The following KIAA0319L variants were observed in gnomAD, a reference collection of about 807,000 sequenced individuals.
KIAA0319L encodes dyslexia-associated protein KIAA0319-like protein.
Under a neutral mutation model 120.1 loss-of-function variants are expected in KIAA0319L, and 55 were observed. The observed-to-expected ratio is 0.46, with a 90% CI of 0.37 to 0.57. The LOEUF (loss-of-function observed/expected upper bound fraction) is 0.57, where lower values mean the gene tolerates loss of function less well. KIAA0319L is among the 20% of genes least tolerant of loss of function. KIAA0319L has a pLI of 0.00. For synonymous variants in KIAA0319L, 398 were observed against 471.9 expected (o/e 0.84, Z 2.03); for missense variants, 1,049 against 1,255.3 (o/e 0.84, Z 2.48).
intron 2 of KIAA0319L, among the ~76,000 whole-genome samples, chr1:35,552,214 C>G (rs1043683076): frequency 2.6e-5 from 4 of 152,110 alleles, no homozygotes; most frequent in African/African-American, 9.7e-5. Context: ...TGGTGGCATG[C>G]GCCTGTAGTC....
chr1:35,506,970 C>G lies in KIAA0319L; in HGVS notation c.308G>C (p.Gly103Ala). The change falls in exon 3 of 21, where the codon GGG becomes GCG. Residue 103 changes from glycine to alanine, a missense_variant. Coordinates refer to ENST00000325722, the MANE Select transcript of KIAA0319L (RefSeq NM_024874.5). The surrounding 1 kb of genome is among the most constrained non-coding windows in gnomAD (Gnocchi z 4.0). The stretch of plus-strand genomic sequence containing the variant: ...GCTGCAGTCTGCCTGAATGCACATC[C>G]CTTCTAGCCACCAAAAGACATGGCA... ...SACHVFWWLE[G>A]MCIQADCSRP... 6.2e-7 allele frequency: 1 copy of G among 1,613,562 alleles called. No individual in the cohort carries two copies. The highest frequency in any genetic ancestry group is 8.5e-7 in the Non-Finnish European group (1 of 1,179,748).
intron 3 of KIAA0319L, among the ~76,000 whole-genome samples, chr1:35,480,768 G>C (rs1644131764): frequency 6.6e-6 from 1 of 151,814 alleles, no homozygotes; most frequent in African/African-American, 2.4e-5. Context: ...CTGGGCGACA[G>C]AGTGAAACTC....
intron 2 of KIAA0319L, among the ~76,000 whole-genome samples, chr1:35,542,899 A>G (rs1185475991): frequency 2.0e-5 from 3 of 152,192 alleles, no homozygotes. Flanking sequence ...TAAATTTAAG[A>G]TAGTTTTTAA....
At chr1:35,516,736 A>G (rs1481779567) in intron 2 of KIAA0319L, among the ~76,000 whole-genome samples, 1 of 152,216 alleles carries the variant, frequency 6.6e-6, no homozygotes, top group Non-Finnish European at 1.5e-5. Context: ...AATAAAGGGC[A>G]TTCAAATAGG....
intron 4 of KIAA0319L, 58 bp from the exon 5 acceptor site, chr1:35,474,964 CTCTT>C (rs1324229935): frequency 1.0e-6 from 1 of 999,706 alleles, no homozygotes; most frequent in Admixed American, 2.1e-5. Flanking sequence ...TCTTATTTCT[CTCTT>C]TCTTTTGTGA....
At chr1:35,471,578 G>C (rs1418337409) in intron 5 of KIAA0319L, among the ~76,000 whole-genome samples, 1 of 152,120 alleles carries the variant, frequency 6.6e-6, no homozygotes, top group Non-Finnish European at 1.5e-5. Context: ...TTGCAGGTCA[G>C]ACTATATCAC....
chr1:35,447,660 C>T (rs1480979731), intron 16 of KIAA0319L, among the ~76,000 whole-genome samples: 7 of 151,532 alleles, frequency 4.6e-5, no homozygotes, highest in Non-Finnish European at 1.0e-4. Context: ...CAGCCTCAAA[C>T]CCCTGGGCTC....
intron 3 of KIAA0319L, among the ~76,000 whole-genome samples, chr1:35,504,360 C>A (rs1176995422): frequency 6.6e-6 from 1 of 152,092 alleles, no homozygotes; most frequent in African/African-American, 2.4e-5. Flanking sequence ...CCACGCCCGG[C>A]TAACTTTTTG....
At chr1:35,539,390 C>T (rs1258847422) in intron 2 of KIAA0319L, among the ~76,000 whole-genome samples, 1 of 152,218 alleles carries the variant, frequency 6.6e-6, no homozygotes, top group African/African-American at 2.4e-5. Flanking sequence ...CAACTCCTCC[C>T]TTTAACTTTT....
chr1:35,439,014 A>G (rs1641007400), intron 20 of KIAA0319L: 1 of 152,278 alleles, frequency 6.6e-6, no homozygotes, highest in South Asian at 2.1e-4. Flanking sequence ...TCTGTCTCAA[A>G]TAATAATAAA....
intron 16 of KIAA0319L, among the ~76,000 whole-genome samples, chr1:35,447,516 T>C (rs1169120096): frequency 1.3e-5 from 2 of 152,054 alleles, no homozygotes; most frequent in African/African-American, 4.8e-5. Context: ...CTGTTCTGAA[T>C]TTCCTCCCCA....
At chr1:35,505,134 C>T (rs1645161817) in intron 3 of KIAA0319L, among the ~76,000 whole-genome samples, 2 of 152,046 alleles carry the variant, frequency 1.3e-5, no homozygotes, top group Admixed American at 6.5e-5. Flanking sequence ...CTCTCATTAC[C>T]CACATCAAGC....
chr1:35,471,279 G>A (rs1643606945), intron 5 of KIAA0319L, among the ~76,000 whole-genome samples: 1 of 152,054 alleles, frequency 6.6e-6, no homozygotes, highest in African/African-American at 2.4e-5. Context: ...ATACATGTCC[G>A]ACCAACCATT....
At chr1:35,495,198 C>T (rs925545242) in intron 3 of KIAA0319L, among the ~76,000 whole-genome samples, 21 of 151,940 alleles carry the variant, frequency 1.4e-4, no homozygotes, top group Non-Finnish European at 2.8e-4. Context: ...CATGGTGAAA[C>T]CCCATCTCTA....
intron 2 of KIAA0319L, chr1:35,533,009 T>A (rs1313657132): frequency 2.0e-5 from 3 of 152,190 alleles, no homozygotes; most frequent in Non-Finnish European, 2.9e-5. Context: ...TTCTAATATA[T>A]CTGGCACAAA....
intron 8 of KIAA0319L, among the ~76,000 whole-genome samples, chr1:35,461,745 A>C (rs1036859314): frequency 3.3e-5 from 5 of 152,204 alleles, no homozygotes; most frequent in Non-Finnish European, 7.3e-5. Context: ...AAAATAAAAC[A>C]GTACAACGTG....
At chr1:35,470,406 T>C (rs753759703) in intron 6 of KIAA0319L, among the ~76,000 whole-genome samples, 1 of 149,484 alleles carries the variant, frequency 6.7e-6, no homozygotes, top group Non-Finnish European at 1.5e-5. Flanking sequence ...GGTAGGAGGA[T>C]TGCTTGAGCC....
rs1055902973 is a variant in KIAA0319L at position 35,465,681 on chromosome 1, T to C, written c.1201+927A>G. Among the ~76,000 whole-genome samples, 21 of 152,148 alleles carry C rather than the reference T, an allele frequency of 1.4e-4. 1 individual carries two copies. The highest frequency in any genetic ancestry group is 2.9e-5 in the Non-Finnish European group (2 of 68,020). On this transcript the variant is annotated intron_variant, in intron 7 of 20. Transcript: ENST00000325722. ...TTGGGAGGGGCCAGGGGTGGAATGA[T>C]ATGGTTTGGCTGTGTCCCCACCCAA...
chr1:35,505,636 G>A (rs1320537352), intron 3 of KIAA0319L, among the ~76,000 whole-genome samples: 1 of 152,138 alleles, frequency 6.6e-6, no homozygotes, highest in African/African-American at 2.4e-5. Context: ...ATTGACAGTA[G>A]GTAGCCATAA....
Sources: gnomAD v4.1 joint callset for allele counts (sites outside exome capture counted in the v4.1 genomes callset) on GRCh38, gnomAD v4.1.1 for gene constraint, Gnocchi (gnomAD v3.1) non-coding constraint, MANE v1.5 for transcripts, NCBI Gene and HGNC (gene_info 2026-07-23, HGNC 2026-07-21) for gene names.